The following CGN variants were observed in gnomAD, a reference collection of about 807,000 sequenced individuals.
CGN encodes the protein cingulin.
In CGN, 121 loss-of-function variants were observed where a neutral mutation model predicts 157.1. The observed-to-expected ratio is 0.77, with a 90% CI of 0.66 to 0.90. CGN has a LOEUF of 0.90. Among genes scored for constraint, CGN ranks in the 40% least tolerant of loss-of-function variants. The probability of loss-of-function intolerance (pLI) is 0.00; values close to 1 mark genes in which losing one functional copy is unlikely to be tolerated. For missense variants in CGN, 1,424 were observed against 1,520.9 expected, an observed-to-expected ratio of 0.94 and a Z score of 1.06; for synonymous variants, 535 against 607.5, an observed-to-expected ratio of 0.88 and a Z score of 1.76.
chr1:151,527,887 G>A, intron 10 of CGN: 1 of 297,548 alleles, frequency 3.4e-6, no homozygotes, highest in Non-Finnish European at 6.6e-6. Context: ...TTCTGTCAAA[G>A]TCTCTCCAGG....
At position 151,527,892 on chromosome 1, in the gene CGN, T is replaced by C. The variant is rs757749828; in HGVS notation, c.1896+785T>C. ...TGCTGACCTGTTCTGTCAAAGTCTCTCCAGGTTGCTCTTGCATGCAGTTGG... is the reference window on the plus strand; with the variant it reads ...TGCTGACCTGTTCTGTCAAAGTCTCCCCAGGTTGCTCTTGCATGCAGTTGG... On this transcript the variant is annotated intron_variant, in intron 10 of 20. Coordinates refer to ENST00000271636, the MANE Select transcript of CGN (RefSeq NM_020770.3). 1.7e-5 allele frequency: 5 copies of C among 302,354 alleles called. 1 individual carries two copies. Among genetic ancestry groups the C allele is most frequent in the Non-Finnish European group, 3.2e-5 (5 of 154,792 alleles). The allele number at this position is 302,354 out of a possible 1,614,324, so 18.7% of individuals were successfully genotyped here. A position where few individuals can be genotyped will look rare whatever the true frequency, so the allele number is the denominator to read the frequency against.
Position 151,537,204 on chromosome 1 carries a change from G to A in CGN, c.3471-1G>A. ...AACCATTATTCTTCTCTCTGAGTCAGGCGCAAAGCTTCCCGCTCAGCTGCT... is the reference window on the plus strand; with the variant it reads ...AACCATTATTCTTCTCTCTGAGTCAAGCGCAAAGCTTCCCGCTCAGCTGCT... On this transcript the variant is annotated splice_acceptor_variant, in intron 20 of 20. Coordinates refer to ENST00000271636, the MANE Select transcript of CGN (RefSeq NM_020770.3). LOFTEE classifies it high-confidence loss of function. The A allele has an allele frequency of 6.2e-7, 1 of 1,612,824 alleles. No homozygotes were observed. Among genetic ancestry groups the A allele is most frequent in the Non-Finnish European group, 8.5e-7 (1 of 1,179,470 alleles).
chr1:151,517,581 G>T (rs1355885209), intron 1 of CGN, among the ~76,000 whole-genome samples: 1 of 151,416 alleles, frequency 6.6e-6, no homozygotes, highest in Non-Finnish European at 1.5e-5. Flanking sequence ...CGCAATCTCG[G>T]CTCACTGCAA....
At chr1:151,526,845 C>A in intron 9 of CGN, 130 bp from the exon 10 acceptor site, 1 of 962,854 alleles carries the variant, frequency 1.0e-6, no homozygotes, top group Non-Finnish European at 1.6e-6. Context: ...GTTCACCTTC[C>A]TTCCTCTTGA....
At chr1:151,536,966 A>G in intron 20 of CGN, 73 bp downstream of exon 20, 2 of 1,496,104 alleles carry the variant, frequency 1.3e-6, no homozygotes, top group Non-Finnish European at 1.8e-6. Flanking sequence ...CCTGTGCTGG[A>G]TAAGGAGGAG....
chr1:151,529,674 G>A (rs1230694928), intron 11 of CGN, 115 bp downstream of exon 11: 6 of 979,656 alleles, frequency 6.1e-6, no homozygotes, highest in Non-Finnish European at 9.1e-6. Flanking sequence ...CAGCTCCTGG[G>A]TCCTAGGCAT....
intron 11 of CGN, 132 bp downstream of exon 11, chr1:151,529,691 C>A: frequency 1.1e-6 from 1 of 917,622 alleles, no homozygotes; most frequent in Non-Finnish European, 1.6e-6. Context: ...GCATGTGGTT[C>A]AAAGAAGCCA....
intron 12 of CGN, 65 bp from the exon 13 acceptor site, chr1:151,530,424 C>A (rs1248643722): frequency 6.7e-7 from 1 of 1,498,964 alleles, no homozygotes; most frequent in Non-Finnish European, 8.8e-7. Flanking sequence ...CAGCTACCCA[C>A]CTCCAAATGA....
In CGN at chr1:151,519,253, T is replaced by G; in HGVS notation, c.734T>G (p.Val245Gly). ...TCTAGCACAAAATATGACAACCATG[T>G]GGGCACTTCGAAGCAGCCAGCCCAG... The part of the protein sequence containing the change: ...WTSSTKYDNH[V>G]GTSKQPAQSQ... Residue 245 changes from valine (V) to glycine (G), a missense_variant, in exon 2 of 21, where the codon GTG becomes GGG. Coordinates refer to ENST00000271636, the MANE Select transcript of CGN (RefSeq NM_020770.3). 3 of 1,614,116 alleles carry G rather than the reference T, an allele frequency of 1.9e-6. No homozygotes were observed. The highest frequency in any genetic ancestry group is 2.5e-6 in the Non-Finnish European group (3 of 1,180,026).
chr1:151,529,101 A>T (rs535537241), intron 10 of CGN, among the ~76,000 whole-genome samples: 5 of 152,328 alleles, frequency 3.3e-5, no homozygotes, highest in African/African-American at 1.2e-4. Flanking sequence ...TAATGCTACT[A>T]TGAACATTCG....
At position 151,520,580 on chromosome 1, in the gene CGN, C is replaced by T. The variant is rs1664522439; in HGVS notation, c.1045-16C>T. On this transcript the variant is annotated splice_polypyrimidine_tract_variant and intron_variant, in intron 4 of 20. Coordinates refer to ENST00000271636, the MANE Select transcript of CGN (RefSeq NM_020770.3). ...GGACTCACTCCCTTCCCCCACACCCCCCATATCTCTGGCAGATGGTTTCTT... is the reference window on the plus strand; with the variant it reads ...GGACTCACTCCCTTCCCCCACACCCTCCATATCTCTGGCAGATGGTTTCTT... 2.5e-6 allele frequency: 4 copies of T among 1,614,024 alleles called. No homozygotes were observed. In the East Asian group the frequency reaches 8.9e-5, roughly 36 times the overall value.
chr1:151,523,672 G>T, intron 6 of CGN, 111 bp downstream of exon 6: 1 of 1,081,548 alleles, frequency 9.2e-7, no homozygotes. Context: ...ATCTCCAGAA[G>T]CTGAAAGGGG....
In CGN at chr1:151,527,957, T is replaced by A. The variant is rs866763627; in HGVS notation, c.1896+850T>A. 6.6e-3 allele frequency: 994 copies of A among 151,138 alleles called. 17 individuals carry two copies. Among genetic ancestry groups the A allele is most frequent in the African/African-American group, 0.026 (905 of 35,026 alleles). The allele number at this position is 151,138 out of a possible 1,614,324, so 9.4% of individuals were successfully genotyped here. A position where few individuals can be genotyped will look rare whatever the true frequency, so the allele number is the denominator to read the frequency against. On this transcript the variant is annotated intron_variant, in intron 10 of 20. Transcript: ENST00000271636. Reference sequence around the variant, plus strand: ...CACTATATATATATATATATTTTTTTTTTTTTTTTTTTTTTTGAGACGGAG... The same window carrying A: ...CACTATATATATATATATATTTTTTATTTTTTTTTTTTTTTTGAGACGGAG...
At chr1:151,531,997 G>A (rs1289463605) in intron 13 of CGN, among the ~76,000 whole-genome samples, 1 of 152,150 alleles carries the variant, frequency 6.6e-6, no homozygotes, top group Non-Finnish European at 1.5e-5. Flanking sequence ...ATTTTTCTTA[G>A]TGGTACGCCG....
At chr1:151,525,497 T>C in intron 8 of CGN, 145 bp from the exon 9 acceptor site, 1 of 503,584 alleles carries the variant, frequency 2.0e-6, no homozygotes, top group Non-Finnish European at 3.4e-6. Flanking sequence ...CTGCTAGCAT[T>C]GTACCAGGTA....
At chr1:151,520,560 C>T in intron 4 of CGN, 36 bp from the exon 5 acceptor site, 11 of 1,612,168 alleles carry the variant, frequency 6.8e-6, no homozygotes, top group Non-Finnish European at 9.3e-6. Context: ...GACTTGGACT[C>T]ACTCCCTTCC....
Position 151,532,465 on chromosome 1 carries a change from T to C in CGN, c.2635T>C (p.Tyr879His). 1 of 1,608,142 alleles carries C rather than the reference T, an allele frequency of 6.2e-7. No homozygotes were observed. The highest frequency in any genetic ancestry group is 8.5e-7 in the Non-Finnish European group (1 of 1,178,360). Residue 879 changes from tyrosine to histidine, a missense_variant, in exon 14 of 21, where the codon TAT (tyrosine) becomes CAT (histidine). Tyr to His is a moderately conservative substitution (Grantham distance 83). This residue lies in a region of CGN where 1,187 missense variants were observed against 1,217.6 expected (regional missense o/e 0.97). Coordinates refer to ENST00000271636, the MANE Select transcript of CGN (RefSeq NM_020770.3). ...GCAGCTCCAGGCCCAGCTGGAGGATTATAAGGAAAAGGCCCGGCGGGAGGT... is the reference window on the plus strand; with the variant it reads ...GCAGCTCCAGGCCCAGCTGGAGGATCATAAGGAAAAGGCCCGGCGGGAGGT... Reference protein sequence around the residue: ...LQQLQAQLEDYKEKARREVAD... With the variant: ...LQQLQAQLEDHKEKARREVAD...
At chr1:151,522,671 T>C (rs1393872300) in intron 5 of CGN, among the ~76,000 whole-genome samples, 2 of 150,828 alleles carry the variant, frequency 1.3e-5, no homozygotes, top group African/African-American at 4.9e-5. Flanking sequence ...CCGGGCGCTG[T>C]GGGAGGCTGA....
At chr1:151,525,892 G>A (rs1220230345) in intron 9 of CGN, 102 bp downstream of exon 9, 2 of 880,396 alleles carry the variant, frequency 2.3e-6, no homozygotes, top group African/African-American at 3.6e-5. Flanking sequence ...TATTTTTTGG[G>A]ACAGAGTTTC....
Sources: allele counts gnomAD v4.1 joint callset (sites outside exome capture counted in the v4.1 genomes callset), GRCh38; gene constraint gnomAD v4.1.1; regional missense constraint gnomAD v4.1.1; transcripts MANE v1.5; gene names NCBI Gene and HGNC (gene_info 2026-07-23, HGNC 2026-07-21).